Variants in PTPRR observed in about 807,000 individuals in gnomAD.
The protein encoded by PTPRR is receptor-type tyrosine-protein phosphatase R.
Under a neutral mutation model 77.2 loss-of-function variants are expected in PTPRR, and 38 were observed. That is an observed-to-expected ratio of 0.49 (90% CI 0.38 to 0.65). The LOEUF is 0.65. Among genes scored for constraint, PTPRR ranks in the 30% least tolerant of loss-of-function variants. PTPRR has a pLI of 0.00. For missense variants in PTPRR, 744 were observed against 799.2 expected (o/e 0.93, Z 0.83); for synonymous variants, 299 against 283.1 (o/e 1.06, Z -0.57).
At chr12:70,714,459 C>A (rs1439229922) in intron 6 of PTPRR, among the ~76,000 whole-genome samples, 1 of 152,068 alleles carries the variant, frequency 6.6e-6, no homozygotes, top group Non-Finnish European at 1.5e-5. Flanking sequence ...TAAATTGGAT[C>A]ATAAAATTTC....
intron 6 of PTPRR, among the ~76,000 whole-genome samples, chr12:70,703,280 T>TG (rs897343673): frequency 4.6e-5 from 7 of 152,306 alleles, no homozygotes; most frequent in African/African-American, 1.2e-4. Context: ...CTATATGTTT[T>TG]GGGGGGTATG....
chr12:70,641,200 G>C (rs1289532173), intron 13 of PTPRR, among the ~76,000 whole-genome samples: 2 of 152,190 alleles, frequency 1.3e-5, no homozygotes, highest in African/African-American at 4.8e-5. Flanking sequence ...GGAGCTGAGA[G>C]GTGCCTCCCT....
chr12:70,775,331 G>A (rs946739635), intron 2 of PTPRR, among the ~76,000 whole-genome samples: 1 of 152,126 alleles, frequency 6.6e-6, no homozygotes, highest in Non-Finnish European at 1.5e-5. Context: ...TTTATGACAA[G>A]ACTTTCTTTC....
At chr12:70,651,008 C>T (rs1399103796) in intron 13 of PTPRR, among the ~76,000 whole-genome samples, 1 of 152,156 alleles carries the variant, frequency 6.6e-6, no homozygotes. Flanking sequence ...TCAACAGATG[C>T]CACATTTTCA....
rs573266321 is a variant in PTPRR, at chr12:70,752,348, C to T, written c.738+1843G>A. Among the ~76,000 whole-genome samples the T allele has an allele frequency of 3.5e-4, 53 of 152,218 alleles. 1 individual carries two copies. The South Asian group carries it at 8.1e-3, about 23-fold the overall frequency. On this transcript the variant is annotated intron_variant, in intron 5 of 13. Transcript: ENST00000283228. ...TGATTTGTTCTAATAACGTTAGAGTCGACTTCCCTAAGTTTCTGACCTTTA... is the reference window on the plus strand; with the variant it reads ...TGATTTGTTCTAATAACGTTAGAGTTGACTTCCCTAAGTTTCTGACCTTTA...
intron 2 of PTPRR, among the ~76,000 whole-genome samples, chr12:70,786,953 G>A (rs1266914116): frequency 1.3e-5 from 2 of 152,180 alleles, no homozygotes; most frequent in African/African-American, 4.8e-5. Context: ...ATAAGTTTTA[G>A]CTAGTGTTTT....
intron 1 of PTPRR, among the ~76,000 whole-genome samples, chr12:70,900,921 G>A (rs1893523020): frequency 6.6e-6 from 1 of 151,444 alleles, no homozygotes; most frequent in African/African-American, 2.4e-5. Context: ...CATTGTTGTG[G>A]GAATGTAAAT....
chr12:70,869,259 C>G (rs937780121), intron 2 of PTPRR, among the ~76,000 whole-genome samples: 2 of 152,090 alleles, frequency 1.3e-5, no homozygotes, highest in Non-Finnish European at 2.9e-5. Context: ...AAAAGGCTCA[C>G]TGAGGGTCAC....
At chr12:70,789,853 G>A (rs1208583858) in intron 2 of PTPRR, among the ~76,000 whole-genome samples, 1 of 152,084 alleles carries the variant, frequency 6.6e-6, no homozygotes, top group Non-Finnish European at 1.5e-5. Flanking sequence ...TATTAAAAAT[G>A]TTCATAATCT....
chr12:70,651,650 G>T (rs1886399606), intron 13 of PTPRR, among the ~76,000 whole-genome samples: 1 of 152,044 alleles, frequency 6.6e-6, no homozygotes, highest in Non-Finnish European at 1.5e-5. Context: ...GCCCAGGGTG[G>T]GTGGCCTCGA....
At chr12:70,812,492 A>G (rs1221915370) in intron 2 of PTPRR, among the ~76,000 whole-genome samples, 2 of 152,226 alleles carry the variant, frequency 1.3e-5, no homozygotes, top group Non-Finnish European at 2.9e-5. Context: ...TCCTCAAGGA[A>G]TAGGTTTATT....
At chr12:70,735,658 C>T (rs1889837655) in intron 6 of PTPRR, among the ~76,000 whole-genome samples, 1 of 152,164 alleles carries the variant, frequency 6.6e-6, no homozygotes, top group African/African-American at 2.4e-5. Context: ...TAGTTACGTG[C>T]AGATTTTGTA....
intron 2 of PTPRR, among the ~76,000 whole-genome samples, chr12:70,856,645 G>T (rs1892656395): frequency 1.3e-5 from 2 of 152,152 alleles, no homozygotes; most frequent in Non-Finnish European, 2.9e-5. Context: ...TAGAGCTAGG[G>T]ATGTCAACTT....
intron 10 of PTPRR, among the ~76,000 whole-genome samples, chr12:70,676,093 C>T (rs1222765777): frequency 2.6e-5 from 4 of 151,802 alleles, no homozygotes; most frequent in African/African-American, 9.7e-5. Flanking sequence ...CTTCTTTTCT[C>T]ATATCCTCTT....
chr12:70,787,262 T>C (rs1891342081), intron 2 of PTPRR, among the ~76,000 whole-genome samples: 1 of 152,230 alleles, frequency 6.6e-6, no homozygotes, highest in Middle Eastern at 3.2e-3. Flanking sequence ...TAGAAGTATA[T>C]ATATTGATCA....
intron 8 of PTPRR, among the ~76,000 whole-genome samples, chr12:70,695,108 T>G (rs1209436678): frequency 6.6e-6 from 1 of 152,206 alleles, no homozygotes; most frequent in Non-Finnish European, 1.5e-5. Flanking sequence ...TAAATTGATT[T>G]ATTCATAATT....
intron 1 of PTPRR, among the ~76,000 whole-genome samples, chr12:70,917,245 C>T (rs777081674): frequency 2.3e-4 from 35 of 152,054 alleles, no homozygotes; most frequent in African/African-American, 4.6e-4. Flanking sequence ...AACTGGTTCA[C>T]GAAAGAGTAA....
intron 1 of PTPRR, among the ~76,000 whole-genome samples, chr12:70,901,750 A>G (rs1209959411): frequency 6.6e-6 from 1 of 151,790 alleles, no homozygotes; most frequent in Non-Finnish European, 1.5e-5. Context: ...AAAGATAAAT[A>G]GTTGGGACTT....
chr12:70,769,829 A>C (rs1311102229), intron 2 of PTPRR, among the ~76,000 whole-genome samples: 1 of 152,116 alleles, frequency 6.6e-6, no homozygotes, highest in Non-Finnish European at 1.5e-5. Context: ...TCAATGGAAC[A>C]GAACAGAGAC....
Sources: allele counts gnomAD v4.1 joint callset (sites outside exome capture counted in the v4.1 genomes callset), GRCh38; gene constraint gnomAD v4.1.1; transcripts MANE v1.5; gene names NCBI Gene and HGNC (gene_info 2026-07-23, HGNC 2026-07-21).